Variants in RCN3 observed in about 807,000 individuals in gnomAD.
RCN3 encodes the protein reticulocalbin-3.
RCN3 carries 41 observed loss-of-function variants against 35.9 expected under a neutral mutation model. That is an observed-to-expected ratio of 1.14 (90% CI 0.89 to 1.48). The LOEUF is 1.48. RCN3 is among the 40% of genes most tolerant of loss of function. The probability of loss-of-function intolerance (pLI) is 0.00; values close to 1 mark genes in which losing one functional copy is unlikely to be tolerated. For missense variants in RCN3, 451 were observed against 471.3 expected (o/e 0.96, Z 0.40); for synonymous variants, 187 against 193.4 (o/e 0.97, Z 0.27).
chr19:49,542,533 C>G lies in RCN3; in HGVS notation c.680-20C>G, dbSNP rs1310956814. 6.4e-7 allele frequency: 1 copy of G among 1,554,038 alleles called. No homozygotes were observed. Among genetic ancestry groups the G allele is most frequent in the Non-Finnish European group, 8.7e-7 (1 of 1,146,770 alleles). ...CCCCAGAGCTGCCCCTGACCTTGTC[C>G]CCTCTGTCCCGGCCCCCAGCGGATC... On this transcript the variant is annotated intron_variant, in intron 5 of 6. Coordinates refer to ENST00000270645, the MANE Select transcript of RCN3 (RefSeq NM_020650.3).
At chr19:49,531,924 C>T (rs2080109837) in intron 2 of RCN3, among the ~76,000 whole-genome samples, 1 of 151,304 alleles carries the variant, frequency 6.6e-6, no homozygotes, top group Admixed American at 6.6e-5. Flanking sequence ...CCTCAGCCTC[C>T]CGAGTAGCTG....
chr19:49,534,825 G>A (rs2080126826), intron 3 of RCN3, among the ~76,000 whole-genome samples: 1 of 151,956 alleles, frequency 6.6e-6, no homozygotes, highest in African/African-American at 2.4e-5. Flanking sequence ...CCTGGCCAAG[G>A]ACACCTACTT....
chr19:49,534,443 CCTT>C lies in RCN3; in HGVS notation c.445+51_445+53del, dbSNP rs575104637. On this transcript the variant is annotated intron_variant, in intron 3 of 6. Transcript: ENST00000270645. ...TGCTCCCCATACACCGTGACCCTGA[CCTT>C]CTGGACCGCCTCATTCTGAGAACCC... The C allele has an allele frequency of 8.8e-5, 133 of 1,518,856 alleles. No individual in the cohort carries two copies. The East Asian group carries it at 2.2e-3, about 25-fold the overall frequency. The allele number at this position is 1,518,856 out of a possible 1,614,324, so 94.1% of individuals were successfully genotyped here.
chr19:49,542,842 A>C (rs1371644024), intron 6 of RCN3, 90 bp downstream of exon 6: 2 of 1,264,442 alleles, frequency 1.6e-6, no homozygotes, highest in Non-Finnish European at 2.2e-6. Flanking sequence ...CCTGGAGCTC[A>C]GGGTCCCTTT....
intron 2 of RCN3, among the ~76,000 whole-genome samples, chr19:49,528,998 A>G (rs138131838): frequency 0.028 from 4,311 of 152,180 alleles, 215 homozygotes; most frequent in African/African-American, 0.097. Flanking sequence ...CCTGGCCAAC[A>G]TGGTGAAATC....
chr19:49,537,758 C>T (rs2080143499), intron 4 of RCN3, among the ~76,000 whole-genome samples: 1 of 152,020 alleles, frequency 6.6e-6, no homozygotes, highest in Non-Finnish European at 1.5e-5. Context: ...CTCAGCCTCC[C>T]AAAGTGCTAG....
rs184259308 is a variant in RCN3 at position 49,532,564 on chromosome 19, C to T, written c.243-1629C>T. On this transcript the variant is annotated intron_variant, in intron 2 of 6. Coordinates refer to ENST00000270645, the MANE Select transcript of RCN3 (RefSeq NM_020650.3). Reference sequence around the variant, plus strand: ...CTACTTTTTGTATTTTTAGTAGAGACGGTTTCACCATGTTGGCCAGGCTGG... The same window carrying T: ...CTACTTTTTGTATTTTTAGTAGAGATGGTTTCACCATGTTGGCCAGGCTGG... Among the ~76,000 whole-genome samples the T allele has an allele frequency of 1.8e-4, 27 of 152,116 alleles. No individual in the cohort carries two copies. The East Asian group carries it at 3.5e-3, about 20-fold the overall frequency.
chr19:49,536,887 T>A, intron 3 of RCN3, 146 bp from the exon 4 acceptor site: 1 of 664,464 alleles, frequency 1.5e-6, no homozygotes, highest in Non-Finnish European at 2.3e-6. Context: ...ATTACAGGCG[T>A]GAGCCACTGC....
In RCN3 at chr19:49,528,450, C is replaced by T. The variant is rs1373388926; in HGVS notation, c.-6-17C>T. ...CATCCCTGTGACCCCTGACCCCTGG[C>T]CTTTGCCACTCCCCAGGGACCGATG... On this transcript the variant is annotated splice_polypyrimidine_tract_variant and intron_variant, in intron 1 of 6. Transcript: ENST00000270645. 2 of 1,478,820 alleles carry T rather than the reference C, an allele frequency of 1.4e-6. No individual in the cohort carries two copies. Among genetic ancestry groups the T allele is most frequent in the Non-Finnish European group, 1.8e-6 (2 of 1,114,458 alleles). The allele number at this position is 1,478,820 out of a possible 1,614,324, so 91.6% of individuals were successfully genotyped here. A position where few individuals can be genotyped will look rare whatever the true frequency, so the allele number is the denominator to read the frequency against.
chr19:49,543,379 T>A lies in RCN3; in HGVS notation c.*166T>A, dbSNP rs1449798862. 1.4e-5 allele frequency: 9 copies of A among 631,962 alleles called. No individual in the cohort carries two copies. In the East Asian group the frequency reaches 2.5e-4, roughly 17 times the overall value. The allele number at this position is 631,962 out of a possible 1,614,324, so 39.1% of individuals were successfully genotyped here. A position where few individuals can be genotyped will look rare whatever the true frequency, so the allele number is the denominator to read the frequency against. On this transcript the variant is annotated 3_prime_UTR_variant, in exon 7 of 7. Coordinates refer to ENST00000270645, the MANE Select transcript of RCN3 (RefSeq NM_020650.3). ...CCCCCTGGGTCGGCTTCTGTCCCTG[T>A]CACACCCCCAACCCCAGGGAGGGGC...
chr19:49,543,093 ACCCT>A lies in RCN3; in HGVS notation c.880-6_880-3del. 6.2e-7 allele frequency: 1 copy of A among 1,610,710 alleles called. No individual in the cohort carries two copies. Among genetic ancestry groups the A allele is most frequent in the Non-Finnish European group, 8.5e-7 (1 of 1,177,162 alleles). On this transcript the variant is annotated splice_polypyrimidine_tract_variant and intron_variant, in intron 6 of 6. Coordinates refer to ENST00000270645, the MANE Select transcript of RCN3 (RefSeq NM_020650.3). ...GCCGTGTTGTCCCCTCTGAACCCTG[ACCCT>A]CCCTCCAGGATGGGCGGCTGAGCAA... is the stretch of plus-strand genomic sequence containing the variant.
rs375320722 is a variant in RCN3 at position 49,542,598 on chromosome 19, T to C, written c.725T>C (p.Val242Ala). 3.8e-5 allele frequency: 61 copies of C among 1,609,014 alleles called. No homozygotes were observed. The highest frequency in any genetic ancestry group is 5.1e-5 in the Non-Finnish European group (60 of 1,178,226). ...AEPGEEEPAW[V>A]QTERQQFRDF... The stretch of plus-strand genomic sequence containing the variant: ...CCTGGGGAGGAGGAGCCGGCGTGGG[T>C]GCAGACGGAGAGGCAGCAGTTCCGG... Residue 242 changes from valine (V) to alanine (A), a missense_variant, in exon 6 of 7, where the codon GTG (valine) becomes GCG (alanine). Val to Ala is a moderately conservative substitution (Grantham distance 64). Coordinates refer to ENST00000270645, the MANE Select transcript of RCN3 (RefSeq NM_020650.3).
Position 49,543,507 on chromosome 19 carries a change from C to A in RCN3, c.*294C>A. 1 of 425,740 alleles carries A rather than the reference C, an allele frequency of 2.3e-6. No individual in the cohort carries two copies. The allele number at this position is 425,740 out of a possible 1,614,324, so 26.4% of individuals were successfully genotyped here. On this transcript the variant is annotated 3_prime_UTR_variant, in exon 7 of 7. Coordinates refer to ENST00000270645, the MANE Select transcript of RCN3 (RefSeq NM_020650.3). ...AGCTCAGCTCTAAGAACCGCCCCAA[C>A]CCCTCCAGCTCCAAATCTGAGCCTC...
In RCN3 at chr19:49,528,549, C is replaced by G; in HGVS notation, c.77C>G (p.Ala26Gly). 1 of 1,589,840 alleles carries G rather than the reference C, an allele frequency of 6.3e-7. No individual in the cohort carries two copies. Among genetic ancestry groups the G allele is most frequent in the Non-Finnish European group, 8.6e-7 (1 of 1,169,542 alleles). ...HGAQGKPSPD[A>G]GPHGQGRVHQ... ...GCCCAGGGGAAGCCATCCCCAGACG[C>G]AGGCCCTCATGGCCAGGGGAGGGTG... The change falls in exon 2 of 7, where the codon GCA becomes GGA. Residue 26 changes from alanine (A) to glycine (G), a missense_variant. Physicochemically the swap from Ala to Gly is moderately conservative, Grantham distance 60 (BLOSUM62 0). Coordinates refer to ENST00000270645, the MANE Select transcript of RCN3 (RefSeq NM_020650.3).
At chr19:49,533,331 AG>A (rs2080117937) in intron 2 of RCN3, among the ~76,000 whole-genome samples, 2 of 151,760 alleles carry the variant, frequency 1.3e-5, no homozygotes, top group East Asian at 1.9e-4. Context: ...GACTTTAGGG[AG>A]GGGGCCGCGG....
Position 49,543,090 on chromosome 19 carries a change from C to G in RCN3, c.880-16C>G. On this transcript the variant is annotated splice_polypyrimidine_tract_variant and intron_variant, in intron 6 of 6. Coordinates refer to ENST00000270645, the MANE Select transcript of RCN3 (RefSeq NM_020650.3). ...AGGGCCGTGTTGTCCCCTCTGAACC[C>G]TGACCCTCCCTCCAGGATGGGCGGC... 1 of 1,610,156 alleles carries G rather than the reference C, an allele frequency of 6.2e-7. No individual in the cohort carries two copies. The highest frequency in any genetic ancestry group is 8.5e-7 in the Non-Finnish European group (1 of 1,176,418).
chr19:49,535,428 G>A (rs1233542915), intron 3 of RCN3, among the ~76,000 whole-genome samples: 1 of 152,078 alleles, frequency 6.6e-6, no homozygotes, highest in Non-Finnish European at 1.5e-5. Context: ...ATCAATTTTT[G>A]CATTCAGAAA....
chr19:49,529,659 G>A (rs567626871), intron 2 of RCN3, among the ~76,000 whole-genome samples: 4 of 152,306 alleles, frequency 2.6e-5, no homozygotes, highest in African/African-American at 9.6e-5. Context: ...ATCAAATAGA[G>A]ATAAATGCAT....
Position 49,539,155 on chromosome 19 carries a change from T to C in RCN3, c.655T>C (p.Tyr219His). Reference protein sequence around the residue: ...LEDLDRNKDGYVQVEEYIADL... With the variant: ...LEDLDRNKDGHVQVEEYIADL... ...GGACCTGGACAGAAACAAAGATGGC[T>C]ATGTCCAGGTGGAGGAGTACATCGG... The change falls in exon 5 of 7, where the codon TAT becomes CAT. Residue 219 changes from tyrosine to histidine, a missense_variant. Transcript: ENST00000270645. 6.2e-7 allele frequency: 1 copy of C among 1,610,440 alleles called. No individual in the cohort carries two copies.
Sources: allele counts gnomAD v4.1 joint callset (sites outside exome capture counted in the v4.1 genomes callset), GRCh38; gene constraint gnomAD v4.1.1; transcripts MANE v1.5; gene names NCBI Gene and HGNC (gene_info 2026-07-23, HGNC 2026-07-21).